HS6ST3: variants seen among roughly 807,000 people sequenced by gnomAD.
HS6ST3 encodes the protein heparan-sulfate 6-O-sulfotransferase 3.
Under a neutral mutation model 36.7 loss-of-function variants are expected in HS6ST3, and 12 were observed. That is an observed-to-expected ratio of 0.33 (90% CI 0.21 to 0.53). The LOEUF is 0.53. Among genes scored for constraint, HS6ST3 ranks in the 20% least tolerant of loss-of-function variants. HS6ST3 has a pLI of 0.95. For missense variants in HS6ST3, 584 were observed against 640.9 expected, an observed-to-expected ratio of 0.91 and a Z score of 0.96; for synonymous variants, 240 against 257.5, an observed-to-expected ratio of 0.93 and a Z score of 0.65.
At chr13:96,246,936 C>T (rs2054587549) in intron 1 of HS6ST3, among the ~76,000 whole-genome samples, 1 of 151,888 alleles carries the variant, frequency 6.6e-6, no homozygotes, top group African/African-American at 2.4e-5. Flanking sequence ...GTATCTGCTG[C>T]TAAAAACAAA....
chr13:96,597,686 A>T (rs1474718418), intron 1 of HS6ST3, among the ~76,000 whole-genome samples: 3 of 151,744 alleles, frequency 2.0e-5, no homozygotes, highest in Admixed American at 1.3e-4. Flanking sequence ...CAGTTTGGCT[A>T]TGTCCTATTT....
At chr13:96,649,006 T>G (rs542055159) in intron 1 of HS6ST3, among the ~76,000 whole-genome samples, 2 of 152,138 alleles carry the variant, frequency 1.3e-5, no homozygotes, top group Non-Finnish European at 2.9e-5. Context: ...ATATTTGATC[T>G]CTTATTTAAT....
At chr13:96,382,916 T>C (rs1424813800) in intron 1 of HS6ST3, among the ~76,000 whole-genome samples, 4 of 152,342 alleles carry the variant, frequency 2.6e-5, no homozygotes, top group African/African-American at 9.6e-5. Flanking sequence ...AATACTTATA[T>C]CAAAGAGAAA....
At chr13:96,305,433 T>G (rs2054907296) in intron 1 of HS6ST3, among the ~76,000 whole-genome samples, 1 of 152,180 alleles carries the variant, frequency 6.6e-6, no homozygotes, top group Admixed American at 6.5e-5. Flanking sequence ...CTAACTTGCT[T>G]TATTCTTCTC....
intron 1 of HS6ST3, among the ~76,000 whole-genome samples, chr13:96,283,103 A>G (rs1162957457): frequency 6.6e-6 from 1 of 152,146 alleles, no homozygotes; most frequent in East Asian, 1.9e-4. Context: ...TGTTTCTGTC[A>G]TTTCAGATAC....
At chr13:96,601,564 C>G (rs754607478) in intron 1 of HS6ST3, among the ~76,000 whole-genome samples, 44 of 152,046 alleles carry the variant, frequency 2.9e-4, no homozygotes, top group Non-Finnish European at 4.9e-4. Context: ...TCTTGGATCT[C>G]ATTGAGCAAA....
chr13:96,304,709 TTC>T lies in HS6ST3; in HGVS notation c.707+213142_707+213143del, dbSNP rs1437911330. Among the ~76,000 whole-genome samples, 977 of 100,776 alleles carry T rather than the reference TTC, an allele frequency of 9.7e-3. 13 individuals are homozygous for T. Among genetic ancestry groups the T allele is most frequent in the African/African-American group, 0.039 (817 of 20,824 alleles). The allele number at this position is 100,776 out of a possible 152,430, so 66.1% of individuals were successfully genotyped here. A position where few individuals can be genotyped will look rare whatever the true frequency, so the allele number is the denominator to read the frequency against. ...TTTCTTTCTTTCTTTCTTTCTTTCT[TTC>T]TTTTTTTTTTTTTTTTTTTTACAGA... On this transcript the variant is annotated intron_variant, in intron 1 of 1. Coordinates refer to ENST00000376705, the MANE Select transcript of HS6ST3 (RefSeq NM_153456.4).
chr13:96,481,503 T>G (rs1380512471), intron 1 of HS6ST3, among the ~76,000 whole-genome samples: 1 of 152,140 alleles, frequency 6.6e-6, no homozygotes, highest in East Asian at 1.9e-4. Flanking sequence ...CAGTTGAGGA[T>G]TTGTTCTTCT....
chr13:96,628,099 A>C (rs928274940), intron 1 of HS6ST3, among the ~76,000 whole-genome samples: 1 of 151,752 alleles, frequency 6.6e-6, no homozygotes, highest in Non-Finnish European at 1.5e-5. Context: ...TTTAAGTTTG[A>C]CGCTTAATTG....
At chr13:96,647,955 T>G (rs2139010618) in intron 1 of HS6ST3, among the ~76,000 whole-genome samples, 1 of 152,192 alleles carries the variant, frequency 6.6e-6, no homozygotes, top group East Asian at 1.9e-4. Context: ...GGTTTTCTTT[T>G]TATTATATAT....
chr13:96,734,594 T>C (rs1425325336), intron 1 of HS6ST3, among the ~76,000 whole-genome samples: 3 of 152,114 alleles, frequency 2.0e-5, no homozygotes, highest in Admixed American at 6.5e-5. Context: ...AGATTAAATA[T>C]ACACAGCATT....
intron 1 of HS6ST3, among the ~76,000 whole-genome samples, chr13:96,700,294 T>C (rs1311055759): frequency 6.6e-6 from 1 of 152,134 alleles, no homozygotes; most frequent in Non-Finnish European, 1.5e-5. Flanking sequence ...AAACCCCTTA[T>C]AAAACTATCA....
At chr13:96,428,180 T>C (rs2055596653) in intron 1 of HS6ST3, among the ~76,000 whole-genome samples, 1 of 152,070 alleles carries the variant, frequency 6.6e-6, no homozygotes, top group Non-Finnish European at 1.5e-5. Flanking sequence ...ACCCCATCTC[T>C]ACTAAAAATA....
At chr13:96,703,301 C>T (rs973347872) in intron 1 of HS6ST3, among the ~76,000 whole-genome samples, 8 of 152,186 alleles carry the variant, frequency 5.3e-5, no homozygotes, top group African/African-American at 1.9e-4. Context: ...TGCTTAAGAA[C>T]TGTATTTAAC....
chr13:96,534,366 C>T (rs1163840539), intron 1 of HS6ST3, among the ~76,000 whole-genome samples: 2 of 152,104 alleles, frequency 1.3e-5, no homozygotes, highest in Non-Finnish European at 2.9e-5. Context: ...ATTATGTATA[C>T]CCACTTCTTT....
intron 1 of HS6ST3, among the ~76,000 whole-genome samples, chr13:96,735,374 G>C (rs1424708152): frequency 2.0e-5 from 3 of 152,158 alleles, no homozygotes; most frequent in Admixed American, 6.5e-5. Context: ...AATCACAATG[G>C]AAAGTTATCA....
intron 1 of HS6ST3, among the ~76,000 whole-genome samples, chr13:96,729,140 A>G (rs1372188408): frequency 6.6e-6 from 1 of 152,186 alleles, no homozygotes; most frequent in East Asian, 1.9e-4. Flanking sequence ...TCTAGTTGCA[A>G]TGGGCAATAA....
chr13:96,538,328 A>G (rs531266357), intron 1 of HS6ST3, among the ~76,000 whole-genome samples: 13 of 152,256 alleles, frequency 8.5e-5, no homozygotes, highest in Non-Finnish European at 1.6e-4. Context: ...CTCTTGCCTT[A>G]TATATTAATT....
intron 1 of HS6ST3, among the ~76,000 whole-genome samples, chr13:96,266,030 T>C (rs1278800472): frequency 6.6e-6 from 1 of 152,180 alleles, no homozygotes; most frequent in Non-Finnish European, 1.5e-5. Flanking sequence ...CATATTATGA[T>C]GCTCTTGCAG....
Sources: gnomAD v4.1 joint callset for allele counts (sites outside exome capture counted in the v4.1 genomes callset) on GRCh38, gnomAD v4.1.1 for gene constraint, MANE v1.5 for transcripts, NCBI Gene and HGNC (gene_info 2026-07-23, HGNC 2026-07-21) for gene names.